Variants in SIM1 observed in about 807,000 individuals in gnomAD.
The protein encoded by SIM1 is single-minded homolog 1.
A neutral mutation model predicts 78.2 loss-of-function variants in SIM1; 18 were observed. The ratio of observed to expected loss-of-function variants is 0.23; its 90% CI spans 0.16 to 0.34. SIM1 has a LOEUF of 0.34. Ranked by LOEUF, SIM1 falls within the 10% of genes least tolerant of loss-of-function variation. The pLI, the probability that SIM1 is intolerant of heterozygous loss-of-function variation, is 1.00. For synonymous variants in SIM1, 417 were observed against 385.2 expected (o/e 1.08, Z -0.97); for missense variants, 939 against 975.1 (o/e 0.96, Z 0.49).
chr6:100,417,914 C>A (rs779463802), intron 10 of SIM1, among the ~76,000 whole-genome samples: 1 of 152,168 alleles, frequency 6.6e-6, no homozygotes, highest in Admixed American at 6.5e-5. Context: ...TACGACTGTG[C>A]AATTTCAAAT....
At chr6:100,397,567 G>A (rs1446331626) in intron 10 of SIM1, among the ~76,000 whole-genome samples, 5 of 151,886 alleles carry the variant, frequency 3.3e-5, no homozygotes, top group Admixed American at 1.3e-4. Flanking sequence ...AGATTATAAA[G>A]CTTTTAGAAA....
At chr6:100,431,687 A>T (rs1425758766) in intron 9 of SIM1, among the ~76,000 whole-genome samples, 3 of 152,220 alleles carry the variant, frequency 2.0e-5, no homozygotes, top group African/African-American at 7.2e-5. Context: ...ATACGTAGTT[A>T]ACAACAGAGC....
intron 8 of SIM1, 70 bp downstream of exon 8, chr6:100,448,076 G>C (rs1038857308): frequency 4.7e-6 from 6 of 1,279,984 alleles, no homozygotes; most frequent in South Asian, 2.7e-5. Context: ...GATTTAAATC[G>C]TGGCTCCCCC....
Position 100,397,979 on chromosome 6 carries a change from A to G in SIM1, c.1168-4090T>C, listed in dbSNP as rs180799538. 1.1e-3 allele frequency among the ~76,000 whole-genome samples: 165 copies of G among 152,286 alleles called. 2 individuals carry two copies. Among genetic ancestry groups the G allele is most frequent in the Admixed American group, 3.5e-3 (54 of 15,306 alleles). On this transcript the variant is annotated intron_variant, in intron 10 of 11. Transcript: ENST00000369208. ...CACAATGAAATATCACGATACACCT[A>G]TCAGGCTGGCTAAAATAAAAAATAA...
chr6:100,448,647 C>T lies in SIM1; in HGVS notation c.575G>A (p.Arg192His), dbSNP rs1262243999. 6.2e-7 allele frequency: 1 copy of T among 1,612,812 alleles called. No homozygotes were observed. The highest frequency in any genetic ancestry group is 1.3e-5 in the African/African-American group (1 of 74,912). The change falls in exon 7 of 12, where the codon CGC (arginine) becomes CAC (histidine). Residue 192 changes from arginine to histidine, a missense_variant. Arg to His is a conservative substitution (Grantham distance 29). This residue lies in a region of SIM1 where 187 missense variants were observed against 191.6 expected (regional missense o/e 0.98). Transcript: ENST00000369208. ...GGGGGACATGTCCAGGCTGTACTGG[C>T]GGATCTTCAAGTAGCCGCTGCAGTG... ...VIHCSGYLKI[R>H]QYSLDMSPFD...
intron 10 of SIM1, among the ~76,000 whole-genome samples, chr6:100,402,220 T>G (rs1770931734): frequency 6.6e-6 from 1 of 152,218 alleles, no homozygotes; most frequent in Admixed American, 6.5e-5. Flanking sequence ...TGCTGTAGAC[T>G]ATATTGTCTA....
At chr6:100,442,371 A>G (rs996357518) in intron 9 of SIM1, among the ~76,000 whole-genome samples, 24 of 152,222 alleles carry the variant, frequency 1.6e-4, no homozygotes, top group African/African-American at 5.8e-4. Context: ...TTATAAAATT[A>G]GTATTAATAC....
intron 2 of SIM1, among the ~76,000 whole-genome samples, chr6:100,461,971 A>AG (rs1269536009): frequency 6.6e-6 from 1 of 151,414 alleles, no homozygotes; most frequent in East Asian, 1.9e-4. Flanking sequence ...CATCACTTGT[A>AG]GTTTGAAGGT....
At chr6:100,453,129 A>ATGCCTTTGC (rs1318995474) in intron 3 of SIM1, among the ~76,000 whole-genome samples, 9 of 152,230 alleles carry the variant, frequency 5.9e-5, no homozygotes, top group Non-Finnish European at 1.2e-4. Flanking sequence ...GCAAGTTAAA[A>ATGCCTTTGC]CTGTGAGCAC....
chr6:100,463,145 A>T (rs1582332967), intron 2 of SIM1, 149 bp downstream of exon 2: 2 of 629,012 alleles, frequency 3.2e-6, no homozygotes, highest in East Asian at 5.6e-5. Context: ...TTCAGTGAGG[A>T]CCTTAGTGAA....
intron 6 of SIM1, 57 bp downstream of exon 6, chr6:100,449,306 G>A (rs1417752666): frequency 2.8e-6 from 4 of 1,439,192 alleles, no homozygotes; most frequent in Non-Finnish European, 3.9e-6. Flanking sequence ...CACGCCGCAC[G>A]CGCCTTGCTT....
intron 10 of SIM1, among the ~76,000 whole-genome samples, chr6:100,413,726 G>A (rs241818): frequency 0.99 from 150,512 of 152,332 alleles, 74,364 homozygotes; most frequent in East Asian, 1. Context: ...ACAATCCTAT[G>A]TCTGATTCCA....
intron 1 of SIM1, among the ~76,000 whole-genome samples, chr6:100,464,316 T>C (rs931460191): frequency 6.6e-6 from 1 of 152,216 alleles, no homozygotes; most frequent in South Asian, 2.1e-4. Context: ...TTCAGCTCCC[T>C]ACCTTGGCAG....
Position 100,389,330 on chromosome 6 carries a change from A to T in SIM1, c.*1031T>A, listed in dbSNP as rs1034834228. On this transcript the variant is annotated 3_prime_UTR_variant, in exon 12 of 12. Transcript: ENST00000369208. ...CTCCTGAGGCTTTCCACATGTTGTC[A>T]CATTGGCACATATGTGCTTTGAAAC... The T allele has an allele frequency of 3.1e-6, 1 of 326,232 alleles. No individual in the cohort carries two copies. Among genetic ancestry groups the T allele is most frequent in the South Asian group, 1.6e-4 (1 of 6,412 alleles). The allele number at this position is 326,232 out of a possible 1,614,324, so 20.2% of individuals were successfully genotyped here. A position where few individuals can be genotyped will look rare whatever the true frequency, so the allele number is the denominator to read the frequency against.
At chr6:100,408,662 G>C (rs998993985) in intron 10 of SIM1, among the ~76,000 whole-genome samples, 1 of 152,044 alleles carries the variant, frequency 6.6e-6, no homozygotes, top group African/African-American at 2.4e-5. Flanking sequence ...AGCATGTATT[G>C]AGATGATCAC....
intron 10 of SIM1, among the ~76,000 whole-genome samples, chr6:100,417,218 G>A (rs2114499251): frequency 6.6e-6 from 1 of 152,120 alleles, no homozygotes; most frequent in Non-Finnish European, 1.5e-5. Context: ...TCGACGCTAG[G>A]TCTTTCACAA....
intron 10 of SIM1, among the ~76,000 whole-genome samples, chr6:100,410,332 T>C (rs1192132197): frequency 6.6e-6 from 1 of 152,248 alleles, no homozygotes; most frequent in Non-Finnish European, 1.5e-5. Flanking sequence ...GAATCACAAA[T>C]TGCAGCATCA....
At chr6:100,442,714 A>AT (rs1772247106) in intron 9 of SIM1, among the ~76,000 whole-genome samples, 1 of 152,088 alleles carries the variant, frequency 6.6e-6, no homozygotes, top group African/African-American at 2.4e-5. Context: ...CCATAACTAT[A>AT]TATGTTATTG....
intron 9 of SIM1, among the ~76,000 whole-genome samples, chr6:100,443,560 C>T (rs1409550800): frequency 6.6e-6 from 1 of 152,090 alleles, no homozygotes; most frequent in Non-Finnish European, 1.5e-5. Context: ...TATCATCTAT[C>T]CATCAGCCTA....
Sources: allele counts gnomAD v4.1 joint callset (sites outside exome capture counted in the v4.1 genomes callset), GRCh38; gene constraint gnomAD v4.1.1; regional missense constraint gnomAD v4.1.1; transcripts MANE v1.5; gene names NCBI Gene and HGNC (gene_info 2026-07-23, HGNC 2026-07-21).